CUEDC1: variants seen among roughly 807,000 people sequenced by gnomAD.
CUEDC1 encodes the protein CUE domain-containing protein 1.
A neutral mutation model predicts 43.7 loss-of-function variants in CUEDC1; 30 were observed. The observed-to-expected ratio is 0.69, with a 90% CI of 0.51 to 0.93. CUEDC1 has a LOEUF of 0.93. CUEDC1 is among the 40% of genes least tolerant of loss of function. The pLI is 0.00. For synonymous variants in CUEDC1, 223 were observed against 223.6 expected (o/e 1.00, Z 0.02); for missense variants, 486 against 549.0 (o/e 0.89, Z 1.15).
intron 1 of CUEDC1, among the ~76,000 whole-genome samples, chr17:57,925,925 C>G (rs2074742948): frequency 6.6e-6 from 1 of 152,164 alleles, no homozygotes; most frequent in Admixed American, 6.5e-5. Flanking sequence ...TGTGGTTGGC[C>G]CAGAGGTGGC....
In CUEDC1 at chr17:57,937,397, G is replaced by A. The variant is rs2074872573; in HGVS notation, c.-316+17828C>T. Among the ~76,000 whole-genome samples the A allele has an allele frequency of 3.9e-5, 6 of 151,966 alleles. No homozygotes were observed. In the South Asian group the frequency reaches 1.2e-3, roughly 32 times the overall value. The stretch of plus-strand genomic sequence containing the variant: ...AAGCCGAGTTGGGAGGATCACTTGA[G>A]CCCAGGGGTTCAAGACCAGCCTGGG... On this transcript the variant is annotated intron_variant, in intron 1 of 10. Coordinates refer to ENST00000577830, the MANE Select transcript of CUEDC1 (RefSeq NM_001271875.2).
chr17:57,873,203 G>A (rs898150718), intron 4 of CUEDC1, among the ~76,000 whole-genome samples: 3 of 152,162 alleles, frequency 2.0e-5, no homozygotes, highest in African/African-American at 7.2e-5. Flanking sequence ...GCAGCCTCAG[G>A]GTGGACCTGC....
At chr17:57,948,285 G>A (rs1025501526) in intron 1 of CUEDC1, among the ~76,000 whole-genome samples, 1 of 152,148 alleles carries the variant, frequency 6.6e-6, no homozygotes, top group Non-Finnish European at 1.5e-5. Flanking sequence ...CCAATACCAA[G>A]ACAAATGCTC....
At chr17:57,941,414 C>T (rs984320069) in intron 1 of CUEDC1, among the ~76,000 whole-genome samples, 12 of 152,190 alleles carry the variant, frequency 7.9e-5, no homozygotes, top group African/African-American at 2.2e-4. Flanking sequence ...GCAGGCTGTT[C>T]ACTACAACGT....
At chr17:57,944,189 TTTA>T (rs2074939784) in intron 1 of CUEDC1, among the ~76,000 whole-genome samples, 1 of 147,844 alleles carries the variant, frequency 6.8e-6, no homozygotes, top group Non-Finnish European at 1.5e-5. Flanking sequence ...GTTATTATTA[TTTA>T]TTTTTTTATA....
intron 1 of CUEDC1, among the ~76,000 whole-genome samples, chr17:57,944,741 T>C (rs1183357082): frequency 6.6e-6 from 1 of 152,152 alleles, no homozygotes; most frequent in Non-Finnish European, 1.5e-5. Context: ...CACTCACACA[T>C]TTCACACTTT....
chr17:57,929,895 A>C (rs1249101148), intron 1 of CUEDC1, among the ~76,000 whole-genome samples: 1 of 152,030 alleles, frequency 6.6e-6, no homozygotes, highest in Non-Finnish European at 1.5e-5. Flanking sequence ...TCCGCCTCCC[A>C]GGTTCAAGCA....
At chr17:57,896,427 A>C (rs2074408565) in intron 1 of CUEDC1, among the ~76,000 whole-genome samples, 1 of 151,216 alleles carries the variant, frequency 6.6e-6, no homozygotes, top group African/African-American at 2.4e-5. Context: ...CCCAAGACCT[A>C]AGGGAACAAT....
At chr17:57,899,895 C>T (rs113781982) in intron 1 of CUEDC1, among the ~76,000 whole-genome samples, 41 of 152,334 alleles carry the variant, frequency 2.7e-4, no homozygotes, top group African/African-American at 9.6e-4. Context: ...CCAAGCCACC[C>T]CCTTCATTAG....
intron 8 of CUEDC1, among the ~76,000 whole-genome samples, chr17:57,867,910 G>A (rs1217139036): frequency 6.6e-6 from 1 of 152,202 alleles, no homozygotes; most frequent in Non-Finnish European, 1.5e-5. Flanking sequence ...CAACTTCTGG[G>A]CCTACAGAAG....
rs547973895 is a variant in CUEDC1, at chr17:57,882,747, T to C, written c.336+2482A>G. 2.0e-5 allele frequency among the ~76,000 whole-genome samples: 3 copies of C among 152,324 alleles called. No homozygotes were observed. The East Asian group carries it at 5.8e-4, about 29-fold the overall frequency. On this transcript the variant is annotated intron_variant, in intron 2 of 10. Coordinates refer to ENST00000577830, the MANE Select transcript of CUEDC1 (RefSeq NM_001271875.2). The stretch of plus-strand genomic sequence containing the variant: ...TTTACGATGATCTACTTCCACTTAA[T>C]GAGTAGAAAATATATTTTGTCTTGC...
At position 57,872,724 on chromosome 17, in the gene CUEDC1, C is replaced by G; in HGVS notation, c.723G>C (p.Gln241His). The change falls in exon 5 of 11, where the codon CAG (glutamine) becomes CAC (histidine). Residue 241 changes from glutamine to histidine, a missense_variant. By Grantham distance (24) the Gln-to-His change is conservative (BLOSUM62 0). Transcript: ENST00000577830. ...GCAGCTCCTTCATGAACTCCTCGTT[C>G]TGCAGGAAAAGCGCGATCCTCTCGT... is the stretch of plus-strand genomic sequence containing the variant. ...LEDERIALFL[Q>H]NEEFMKELQR... 9 of 1,614,218 alleles carry G rather than the reference C, an allele frequency of 5.6e-6. No homozygotes were observed. The highest frequency in any genetic ancestry group is 6.8e-6 in the Non-Finnish European group (8 of 1,180,038).
intron 1 of CUEDC1, among the ~76,000 whole-genome samples, chr17:57,916,901 G>A (rs1475881360): frequency 3.3e-5 from 5 of 152,198 alleles, no homozygotes; most frequent in African/African-American, 7.2e-5. Flanking sequence ...GGAGGAGGGG[G>A]TCAAGGGAGT....
rs528752699 is a variant in CUEDC1 at position 57,954,915 on chromosome 17, G to A, written c.-316+310C>T. 2.0e-5 allele frequency among the ~76,000 whole-genome samples: 3 copies of A among 151,912 alleles called. No homozygotes were observed. Among genetic ancestry groups the A allele is most frequent in the African/African-American group, 7.2e-5 (3 of 41,526 alleles). On this transcript the variant is annotated intron_variant, in intron 1 of 10. Coordinates refer to ENST00000577830, the MANE Select transcript of CUEDC1 (RefSeq NM_001271875.2). This position sits in a 1 kb window ranked among gnomAD's most constrained non-coding sequence, Gnocchi z 4.3. ...CTGCGGCGCTGGCCCGCGCCCCCCG[G>A]TCTAATCGCGCGCCCCGCTCCCGGC...
intron 7 of CUEDC1, 82 bp from the exon 8 acceptor site, chr17:57,868,325 G>C: frequency 7.7e-7 from 1 of 1,299,338 alleles, no homozygotes; most frequent in Non-Finnish European, 1.1e-6. Flanking sequence ...GAAAGGCCAG[G>C]GGAGGACCAA....
chr17:57,894,064 G>C (rs2074384479), intron 1 of CUEDC1, among the ~76,000 whole-genome samples: 1 of 152,218 alleles, frequency 6.6e-6, no homozygotes, highest in Admixed American at 6.5e-5. Context: ...CTGCACTCCA[G>C]CCTGGGTGAC....
At chr17:57,931,262 A>G (rs151313381) in intron 1 of CUEDC1, among the ~76,000 whole-genome samples, 3,369 of 152,228 alleles carry the variant, frequency 0.022, 58 homozygotes, top group South Asian at 0.066. Context: ...CTGGGTGACT[A>G]AGTGACATCC....
intron 1 of CUEDC1, among the ~76,000 whole-genome samples, chr17:57,938,088 T>A (rs1260410808): frequency 1.3e-5 from 2 of 152,104 alleles, no homozygotes; most frequent in Non-Finnish European, 2.9e-5. Flanking sequence ...TTAACTCCCA[T>A]GCTATATGGA....
chr17:57,927,426 A>AG (rs530891525), intron 1 of CUEDC1, among the ~76,000 whole-genome samples: 65 of 150,240 alleles, frequency 4.3e-4, no homozygotes, highest in Admixed American at 2.4e-3. Flanking sequence ...AGTTAGAGAG[A>AG]GAAAAAAAAG....
Sources: gnomAD v4.1 joint callset for allele counts (sites outside exome capture counted in the v4.1 genomes callset) on GRCh38, gnomAD v4.1.1 for gene constraint, Gnocchi (gnomAD v3.1) non-coding constraint, MANE v1.5 for transcripts, NCBI Gene and HGNC (gene_info 2026-07-23, HGNC 2026-07-21) for gene names.